The following CR1L variants were observed in gnomAD, a reference collection of about 807,000 sequenced individuals.
The protein encoded by CR1L is complement C3b/C4b receptor 1 like.
In CR1L, 59 loss-of-function variants were observed where a neutral mutation model predicts 62.3. The ratio of observed to expected loss-of-function variants is 0.95; its 90% CI spans 0.77 to 1.18. The LOEUF (loss-of-function observed/expected upper bound fraction) is 1.18, where lower values mean the gene tolerates loss of function less well. CR1L is among the 50% of genes most tolerant of loss of function. The pLI, the probability that CR1L is intolerant of heterozygous loss-of-function variation, is 0.00. For missense variants in CR1L, 700 were observed against 702.8 expected (o/e 1.00, Z 0.04); for synonymous variants, 279 against 248.7 (o/e 1.12, Z -1.15).
chr1:207,713,649 C>T (rs150633859), intron 10 of CR1L, among the ~76,000 whole-genome samples: 1,778 of 152,314 alleles, frequency 0.012, 12 homozygotes, highest in Non-Finnish European at 0.018. Flanking sequence ...TCCAGCTGGC[C>T]GCGCCAAGCA....
At chr1:207,687,787 T>A (rs1203389863) in intron 4 of CR1L, among the ~76,000 whole-genome samples, 1 of 152,220 alleles carries the variant, frequency 6.6e-6, no homozygotes, top group Non-Finnish European at 1.5e-5. Context: ...GTCTATGATT[T>A]TATTGTTTTG....
At chr1:207,663,286 G>C (rs1663454392) in intron 1 of CR1L, among the ~76,000 whole-genome samples, 1 of 152,238 alleles carries the variant, frequency 6.6e-6, no homozygotes, top group South Asian at 2.1e-4. Context: ...GCTGTGATGG[G>C]CTCCACCCAG....
At chr1:207,664,842 A>G (rs1000705555) in intron 1 of CR1L, among the ~76,000 whole-genome samples, 6 of 151,818 alleles carry the variant, frequency 4.0e-5, no homozygotes, top group East Asian at 1.9e-4. Flanking sequence ...AAATAGCAAG[A>G]TAATGATGTT....
Position 207,669,536 on chromosome 1 carries a change from T to C in CR1L, c.98-7853T>C, listed in dbSNP as rs556337196. The C allele has an allele frequency of 4.4e-6, 7 of 1,574,336 alleles. No individual in the cohort carries two copies. The African/African-American group carries it at 6.9e-5, about 16-fold the overall frequency. On this transcript the variant is annotated intron_variant, in intron 1 of 11. Coordinates refer to ENST00000508064, the MANE Select transcript of CR1L (RefSeq NM_175710.2). ...TGCGGAGGATCCCTGCTGGCGGTCG[T>C]GGTGCTGCTCGCGCTGCCGGTGGCC...
intron 10 of CR1L, 147 bp downstream of exon 10, chr1:207,708,410 A>G: frequency 3.7e-6 from 4 of 1,083,028 alleles, no homozygotes; most frequent in Non-Finnish European, 4.0e-6. Flanking sequence ...AATGGCTCAC[A>G]GCATTCCAAA....
rs1571520854 is a variant in CR1L at position 207,687,579 on chromosome 1, T to A, written c.463+3622T>A. Among the ~76,000 whole-genome samples, 6 of 152,314 alleles carry A rather than the reference T, an allele frequency of 3.9e-5. No individual in the cohort carries two copies. In the East Asian group the frequency reaches 1.2e-3, roughly 29 times the overall value. On this transcript the variant is annotated intron_variant, in intron 4 of 11. Coordinates refer to ENST00000508064, the MANE Select transcript of CR1L (RefSeq NM_175710.2). ...CTAATAGTTTTGCTGCTTCCTAAAT[T>A]TTATAAAGGAATCAAAAAATAGGTA...
intron 1 of CR1L, chr1:207,652,446 C>T (rs1373169879): frequency 6.9e-6 from 5 of 722,180 alleles, no homozygotes; most frequent in African/African-American, 5.2e-5. Flanking sequence ...TGCCAAGGGC[C>T]TTCCTATTTT....
At chr1:207,655,964 C>A (rs566606318) in intron 1 of CR1L, among the ~76,000 whole-genome samples, 1 of 152,126 alleles carries the variant, frequency 6.6e-6, no homozygotes, top group African/African-American at 2.4e-5. Flanking sequence ...TTCTGCCCGG[C>A]GCAGTGGCTC....
chr1:207,687,807 T>C lies in CR1L; in HGVS notation c.463+3850T>C, dbSNP rs1663935651. On this transcript the variant is annotated intron_variant, in intron 4 of 11. Coordinates refer to ENST00000508064, the MANE Select transcript of CR1L (RefSeq NM_175710.2). ...TGATTTTATTGTTTTGTAGAAGTTG[T>C]TTAAATATTCTCTTGTTTTCTAATA... Among the ~76,000 whole-genome samples, 6 of 152,348 alleles carry C rather than the reference T, an allele frequency of 3.9e-5. No individual in the cohort carries two copies. The South Asian group carries it at 1.2e-3, about 32-fold the overall frequency.
intron 3 of CR1L, among the ~76,000 whole-genome samples, chr1:207,679,190 A>G (rs1185677614): frequency 1.6e-5 from 2 of 126,596 alleles, no homozygotes; most frequent in Non-Finnish European, 3.2e-5. Flanking sequence ...TTTTTAGTAG[A>G]GACAGGATTT....
At position 207,645,254 on chromosome 1, in the gene CR1L, C is replaced by G; in HGVS notation, c.21C>G (p.Leu7=). 5.0e-6 allele frequency: 8 copies of G among 1,613,498 alleles called. No homozygotes were observed. The highest frequency in any genetic ancestry group is 1.1e-5 in the South Asian group (1 of 91,066). ...CGCTCATGGCGCCTCCCGTCCGTCT[C>G]GAGCGTCCCTTTCCTTCCCGGCGCT... MAPPVR[L]ERPFPSRRFP... The change falls in exon 1 of 12, where the codon CTC becomes CTG. Residue 7 remains leucine, a synonymous_variant. Transcript: ENST00000508064.
At chr1:207,649,891 A>G (rs1571640308) in intron 1 of CR1L, among the ~76,000 whole-genome samples, 2 of 152,222 alleles carry the variant, frequency 1.3e-5, no homozygotes, top group South Asian at 2.1e-4. Context: ...ATGGAGACCT[A>G]TTTAGTTATG....
chr1:207,660,345 A>G (rs969507222), intron 1 of CR1L, among the ~76,000 whole-genome samples: 1 of 152,182 alleles, frequency 6.6e-6, no homozygotes, highest in Non-Finnish European at 1.5e-5. Context: ...AGGCAGCAAT[A>G]TTGACTGTTC....
chr1:207,661,200 T>C (rs762845570), intron 1 of CR1L, among the ~76,000 whole-genome samples: 1 of 151,640 alleles, frequency 6.6e-6, no homozygotes, highest in Admixed American at 6.6e-5. Context: ...TGGATATCCT[T>C]GTTAACTTTC....
At chr1:207,699,108 A>G in intron 7 of CR1L, 81 bp from the exon 8 acceptor site, 3 of 1,588,610 alleles carry the variant, frequency 1.9e-6, no homozygotes, top group Non-Finnish European at 2.6e-6. Flanking sequence ...AAATCCTGAA[A>G]TTGGGGCTGG....
chr1:207,648,379 TTAAATCAAGACAGGTATGAAACC>T (rs370072283), intron 1 of CR1L, among the ~76,000 whole-genome samples: 4,262 of 152,082 alleles, frequency 0.028, 66 homozygotes, highest in Middle Eastern at 0.068. Flanking sequence ...GTTGATAGGG[TTAAATCAAGACAGGTATGAAACC>T]TAGAGAAAGT....
intron 9 of CR1L, among the ~76,000 whole-genome samples, chr1:207,703,255 C>A (rs1224975737): frequency 6.6e-6 from 1 of 152,140 alleles, no homozygotes; most frequent in Non-Finnish European, 1.5e-5. Flanking sequence ...AGAGGAGAAG[C>A]CAATGCCTGG....
chr1:207,661,010 C>G (rs1033056780), intron 1 of CR1L, among the ~76,000 whole-genome samples: 21 of 152,138 alleles, frequency 1.4e-4, no homozygotes, highest in African/African-American at 5.1e-4. Context: ...GTCTGAGAGA[C>G]AGTTTGTTAT....
At chr1:207,717,431 A>G (rs1654028274) in intron 10 of CR1L, 33 bp from the exon 11 acceptor site, 1 of 1,604,280 alleles carries the variant, frequency 6.2e-7, no homozygotes, top group Non-Finnish European at 8.5e-7. Flanking sequence ...GTGAAACTCT[A>G]ATAGAACTTA....
Sources: gnomAD v4.1 joint callset for allele counts (sites outside exome capture counted in the v4.1 genomes callset) on GRCh38, gnomAD v4.1.1 for gene constraint, MANE v1.5 for transcripts, NCBI Gene and HGNC (gene_info 2026-07-23, HGNC 2026-07-21) for gene names.